The following GATAD2B variants were observed in gnomAD, a reference collection of about 807,000 sequenced individuals.
GATAD2B encodes transcriptional repressor p66-beta.
In GATAD2B, 8 loss-of-function variants were observed where a neutral mutation model predicts 64.3. The observed-to-expected ratio is 0.12, with a 90% CI of 0.07 to 0.22. GATAD2B has a LOEUF of 0.22. GATAD2B is among the 10% of genes least tolerant of loss of function. GATAD2B has a pLI of 1.00. For synonymous variants in GATAD2B, 281 were observed against 271.3 expected, an observed-to-expected ratio of 1.04 and a Z score of -0.35; for missense variants, 453 against 752.0, an observed-to-expected ratio of 0.60 and a Z score of 4.65.
chr1:153,878,061 G>C (rs1676889330), intron 1 of GATAD2B, among the ~76,000 whole-genome samples: 1 of 151,964 alleles, frequency 6.6e-6, no homozygotes, highest in Non-Finnish European at 1.5e-5. Flanking sequence ...CTTATAAAGG[G>C]ACTTAGAAAA....
intron 2 of GATAD2B, among the ~76,000 whole-genome samples, chr1:153,821,960 C>A (rs910965384): frequency 2.0e-5 from 3 of 151,812 alleles, no homozygotes; most frequent in Non-Finnish European, 2.9e-5. Context: ...GTGGGCAGAT[C>A]ACTTGAGGCC....
chr1:153,860,392 T>A (rs1238118010), intron 1 of GATAD2B, among the ~76,000 whole-genome samples: 4 of 152,138 alleles, frequency 2.6e-5, no homozygotes, highest in Non-Finnish European at 4.4e-5. Flanking sequence ...TGGAGTGCAG[T>A]GGTGCAATCA....
chr1:153,813,966 A>C (rs1427256797), intron 7 of GATAD2B, among the ~76,000 whole-genome samples: 1 of 152,214 alleles, frequency 6.6e-6, no homozygotes, highest in African/African-American at 2.4e-5. Context: ...TAACAGAACA[A>C]GACTCAGTCT....
chr1:153,855,354 G>A (rs573642850), intron 1 of GATAD2B, among the ~76,000 whole-genome samples: 6 of 151,842 alleles, frequency 4.0e-5, no homozygotes, highest in South Asian at 4.2e-4. Context: ...TCAGCCTCCC[G>A]AGTAGCTGGG....
At chr1:153,826,729 T>A (rs1220334536) in intron 2 of GATAD2B, among the ~76,000 whole-genome samples, 2 of 151,942 alleles carry the variant, frequency 1.3e-5, no homozygotes, top group Non-Finnish European at 2.9e-5. Context: ...CACTTGAGGC[T>A]GAGAGTTTGA....
intron 2 of GATAD2B, among the ~76,000 whole-genome samples, chr1:153,821,699 G>A (rs960832075): frequency 6.6e-6 from 1 of 151,920 alleles, no homozygotes; most frequent in Non-Finnish European, 1.5e-5. Flanking sequence ...CAGTAGCTGG[G>A]ATTACAGGTA....
rs558137661 is a variant in GATAD2B at position 153,819,800 on chromosome 1, T to TA, written c.336-66dup. On this transcript the variant is annotated intron_variant, in intron 2 of 10. Coordinates refer to ENST00000368655, the MANE Select transcript of GATAD2B (RefSeq NM_020699.4). ...AGTTAAGAAAACTTCTATGCTGAAT[T>TA]AAAAAAATCCAAGGGGGGCCGGGTG... 11 of 1,464,070 alleles carry TA rather than the reference T, an allele frequency of 7.5e-6. No individual in the cohort carries two copies. In the East Asian group the frequency reaches 9.6e-5, roughly 13 times the overall value. 90.7% of individuals were successfully genotyped at this position (1,464,070 alleles called of 1,614,324 possible). A position where few individuals can be genotyped will look rare whatever the true frequency, so the allele number is the denominator to read the frequency against.
chr1:153,881,903 G>T (rs1186496914), intron 1 of GATAD2B, among the ~76,000 whole-genome samples: 2 of 151,998 alleles, frequency 1.3e-5, no homozygotes, highest in Non-Finnish European at 2.9e-5. Context: ...TGGCCCCCAT[G>T]CGTGCCAGCC....
chr1:153,862,304 G>A (rs571982871), intron 1 of GATAD2B, among the ~76,000 whole-genome samples: 1 of 151,232 alleles, frequency 6.6e-6, no homozygotes, highest in Non-Finnish European at 1.5e-5. Flanking sequence ...TTTATTTTTA[G>A]TAGAGACGGG....
intron 1 of GATAD2B, among the ~76,000 whole-genome samples, chr1:153,900,232 A>G (rs1164140397): frequency 2.6e-5 from 4 of 152,072 alleles, no homozygotes; most frequent in Non-Finnish European, 5.9e-5. Flanking sequence ...TCTGGCCAAT[A>G]TGGTGAAACC....
intron 1 of GATAD2B, among the ~76,000 whole-genome samples, chr1:153,832,895 TCTACTAGAAGA>T (rs1427572480): frequency 6.6e-6 from 1 of 152,182 alleles, no homozygotes; most frequent in Non-Finnish European, 1.5e-5. Context: ...AAAATAGCCT[TCTACTAGAAGA>T]CTTTCATAGA....
intron 1 of GATAD2B, among the ~76,000 whole-genome samples, chr1:153,867,725 T>C (rs1676526463): frequency 6.6e-6 from 1 of 151,298 alleles, no homozygotes; most frequent in Non-Finnish European, 1.5e-5. Context: ...CCGGGCATGG[T>C]GGTGAGCATC....
intron 1 of GATAD2B, among the ~76,000 whole-genome samples, chr1:153,921,439 T>G (rs904336434): frequency 9.9e-5 from 15 of 152,232 alleles, no homozygotes. Flanking sequence ...AACACAGATC[T>G]GTTAAACCTG....
intron 1 of GATAD2B, among the ~76,000 whole-genome samples, chr1:153,864,502 A>G (rs1423402510): frequency 1.3e-5 from 2 of 152,188 alleles, no homozygotes; most frequent in African/African-American, 4.8e-5. Context: ...CTATAGTCCC[A>G]GCTACTTGGA....
At chr1:153,839,856 C>T (rs1675413400) in intron 1 of GATAD2B, among the ~76,000 whole-genome samples, 1 of 151,320 alleles carries the variant, frequency 6.6e-6, no homozygotes, top group African/African-American at 2.4e-5. Flanking sequence ...TGCCTGTAAT[C>T]CCAGCTGGTT....
At chr1:153,889,682 T>C in intron 1 of GATAD2B, 2 of 826,706 alleles carry the variant, frequency 2.4e-6, no homozygotes, top group Non-Finnish European at 1.5e-6. Context: ...ACTCACATGT[T>C]ACTTATTTTC....
intron 1 of GATAD2B, among the ~76,000 whole-genome samples, chr1:153,831,336 G>C (rs182994405): frequency 3.3e-5 from 5 of 152,044 alleles, no homozygotes; most frequent in African/African-American, 4.8e-5. Context: ...GGGTCTGTTG[G>C]GGGGTAGGAG....
At position 153,834,147 on chromosome 1, in the gene GATAD2B, C is replaced by T. The variant is rs187316731; in HGVS notation, c.-1-5799G>A. Reference sequence around the variant, plus strand: ...CCTTCCGTGCAGCTGGGATTACAAACGCCCACCACCACGCCCAGCTAATTT... The same window carrying T: ...CCTTCCGTGCAGCTGGGATTACAAATGCCCACCACCACGCCCAGCTAATTT... On this transcript the variant is annotated intron_variant, in intron 1 of 10. Transcript: ENST00000368655. 8.8e-4 allele frequency among the ~76,000 whole-genome samples: 133 copies of T among 151,870 alleles called. 1 individual carries two copies. The South Asian group carries it at 0.01, about 12-fold the overall frequency.
At chr1:153,891,858 A>G (rs767595356) in intron 1 of GATAD2B, among the ~76,000 whole-genome samples, 37 of 151,994 alleles carry the variant, frequency 2.4e-4, no homozygotes, top group Non-Finnish European at 4.4e-4. Context: ...CATAAGCACA[A>G]TGAAAATTAG....
Sources: gnomAD v4.1 joint callset for allele counts (sites outside exome capture counted in the v4.1 genomes callset) on GRCh38, gnomAD v4.1.1 for gene constraint, MANE v1.5 for transcripts, NCBI Gene and HGNC (gene_info 2026-07-23, HGNC 2026-07-21) for gene names.